Variants in NXPH1 observed in about 807,000 individuals in gnomAD.
The protein encoded by NXPH1 is neurexophilin-1.
In NXPH1, 5 loss-of-function variants were observed where a neutral mutation model predicts 23.7. The ratio of observed to expected loss-of-function variants is 0.21; its 90% CI spans 0.11 to 0.44. The LOEUF (loss-of-function observed/expected upper bound fraction) is 0.44. Among genes scored for constraint, NXPH1 ranks in the 20% least tolerant of loss-of-function variants. The probability of loss-of-function intolerance (pLI) is 0.99; values close to 1 mark genes in which losing one functional copy is unlikely to be tolerated. For missense variants in NXPH1, 324 were observed against 321.6 expected, an observed-to-expected ratio of 1.01 and a Z score of -0.06; for synonymous variants, 144 against 122.2, an observed-to-expected ratio of 1.18 and a Z score of -1.18.
At chr7:8,527,808 T>C (rs917476066) in intron 2 of NXPH1, among the ~76,000 whole-genome samples, 1 of 152,172 alleles carries the variant, frequency 6.6e-6, no homozygotes, top group Non-Finnish European at 1.5e-5. Flanking sequence ...TAATTCAACA[T>C]GGCAAAAGGA....
intron 2 of NXPH1, among the ~76,000 whole-genome samples, chr7:8,583,737 G>A (rs1818927114): frequency 6.6e-6 from 1 of 152,144 alleles, no homozygotes; most frequent in South Asian, 2.1e-4. Context: ...TTTGCCAGGT[G>A]GTCAGGACTT....
chr7:8,493,478 A>G (rs546491293), intron 2 of NXPH1, among the ~76,000 whole-genome samples: 1 of 152,024 alleles, frequency 6.6e-6, no homozygotes, highest in Admixed American at 6.6e-5. Flanking sequence ...CATTTGGACT[A>G]TGTGAAGAAA....
chr7:8,573,369 G>T (rs1450266078), intron 2 of NXPH1, among the ~76,000 whole-genome samples: 1 of 151,992 alleles, frequency 6.6e-6, no homozygotes, highest in East Asian at 1.9e-4. Context: ...GGAATTAAGG[G>T]TATAAAACGA....
chr7:8,509,269 G>C (rs1473703323), intron 2 of NXPH1, among the ~76,000 whole-genome samples: 1 of 152,074 alleles, frequency 6.6e-6, no homozygotes, highest in Non-Finnish European at 1.5e-5. Context: ...TGCAAGTTAT[G>C]TAAATGGAAT....
chr7:8,742,259 T>C (rs534489873), intron 2 of NXPH1, among the ~76,000 whole-genome samples: 1 of 152,120 alleles, frequency 6.6e-6, no homozygotes, highest in African/African-American at 2.4e-5. Flanking sequence ...TACAAATATA[T>C]ACACCCAGAA....
At chr7:8,576,524 G>GC (rs1343269305) in intron 2 of NXPH1, among the ~76,000 whole-genome samples, 1 of 152,160 alleles carries the variant, frequency 6.6e-6, no homozygotes, top group Non-Finnish European at 1.5e-5. Flanking sequence ...AGACAATGTA[G>GC]CTTATGGAAG....
chr7:8,696,367 C>G (rs571778270), intron 2 of NXPH1, among the ~76,000 whole-genome samples: 20 of 152,306 alleles, frequency 1.3e-4, no homozygotes, highest in African/African-American at 4.8e-4. Context: ...CATCAAGGTT[C>G]TTGCTTTCAT....
At chr7:8,619,857 C>T (rs921690189) in intron 2 of NXPH1, among the ~76,000 whole-genome samples, 2 of 152,140 alleles carry the variant, frequency 1.3e-5, no homozygotes, top group African/African-American at 4.8e-5. Context: ...TATTTTACAA[C>T]AAGGAAGAAA....
chr7:8,606,285 A>G (rs1819488583), intron 2 of NXPH1, among the ~76,000 whole-genome samples: 1 of 152,146 alleles, frequency 6.6e-6, no homozygotes, highest in South Asian at 2.1e-4. Context: ...ATAAAAAAAA[A>G]TATGTTTTAT....
At chr7:8,657,140 C>T (rs1203300312) in intron 2 of NXPH1, among the ~76,000 whole-genome samples, 1 of 152,202 alleles carries the variant, frequency 6.6e-6, no homozygotes, top group Non-Finnish European at 1.5e-5. Context: ...CTTAGTCTTA[C>T]AGTGTCTGCC....
chr7:8,551,924 T>G (rs900550595), intron 2 of NXPH1, among the ~76,000 whole-genome samples: 3 of 151,440 alleles, frequency 2.0e-5, no homozygotes, highest in African/African-American at 7.3e-5. Flanking sequence ...TCTATAGCTT[T>G]AAAGATGTGC....
At chr7:8,524,441 G>A (rs1193044454) in intron 2 of NXPH1, among the ~76,000 whole-genome samples, 5 of 152,006 alleles carry the variant, frequency 3.3e-5, no homozygotes, top group Non-Finnish European at 1.5e-5. Context: ...TGCTTCAGAG[G>A]TTCAGCTGTC....
chr7:8,617,396 A>T (rs1819767772), intron 2 of NXPH1, among the ~76,000 whole-genome samples: 1 of 152,102 alleles, frequency 6.6e-6, no homozygotes, highest in Non-Finnish European at 1.5e-5. Context: ...TAAGATTTGG[A>T]TGCAACCTAA....
At chr7:8,497,016 C>T (rs1817348574) in intron 2 of NXPH1, among the ~76,000 whole-genome samples, 1 of 152,058 alleles carries the variant, frequency 6.6e-6, no homozygotes, top group South Asian at 2.1e-4. Flanking sequence ...TATCCCTCCC[C>T]TTACCCCATG....
intron 2 of NXPH1, among the ~76,000 whole-genome samples, chr7:8,647,990 A>G (rs956395989): frequency 3.3e-5 from 5 of 152,122 alleles, no homozygotes; most frequent in Non-Finnish European, 5.9e-5. Context: ...GAAACTATCC[A>G]AACTCACTGT....
intron 2 of NXPH1, among the ~76,000 whole-genome samples, chr7:8,490,178 C>G (rs1048085495): frequency 3.3e-5 from 5 of 151,926 alleles, no homozygotes; most frequent in African/African-American, 1.2e-4. Flanking sequence ...TGCTTTTCTG[C>G]TAATAAAAAA....
intron 2 of NXPH1, among the ~76,000 whole-genome samples, chr7:8,516,716 G>C (rs1170128217): frequency 6.6e-6 from 1 of 152,114 alleles, no homozygotes; most frequent in East Asian, 1.9e-4. Context: ...GGAGCCTTTT[G>C]AGTTTAGAAC....
At chr7:8,510,997 G>A (rs752243955) in intron 2 of NXPH1, among the ~76,000 whole-genome samples, 14 of 151,998 alleles carry the variant, frequency 9.2e-5, no homozygotes, top group Non-Finnish European at 1.8e-4. Flanking sequence ...CTGCTTCCCT[G>A]ACCTTGGATC....
intron 2 of NXPH1, among the ~76,000 whole-genome samples, chr7:8,632,314 G>A (rs4537210): frequency 2.0e-5 from 3 of 151,978 alleles, no homozygotes; most frequent in Non-Finnish European, 4.4e-5. Context: ...TCCAGCAGTA[G>A]TTTTCTATCA....
Sources: gnomAD v4.1 joint callset for allele counts (sites outside exome capture counted in the v4.1 genomes callset) on GRCh38, gnomAD v4.1.1 for gene constraint, MANE v1.5 for transcripts, NCBI Gene and HGNC (gene_info 2026-07-23, HGNC 2026-07-21) for gene names.